The following ROBO1 variants were observed in gnomAD, a reference collection of about 807,000 sequenced individuals.
ROBO1 encodes the protein roundabout homolog 1.
A neutral mutation model predicts 195.9 loss-of-function variants in ROBO1; 149 were observed. That is an observed-to-expected ratio of 0.76 (90% CI 0.67 to 0.87). The LOEUF is 0.87. ROBO1 is among the 40% of genes least tolerant of loss of function. The probability of loss-of-function intolerance (pLI) is 0.00; values close to 1 mark genes in which losing one functional copy is unlikely to be tolerated. For synonymous variants in ROBO1, 816 were observed against 733.2 expected, an observed-to-expected ratio of 1.11 and a Z score of -1.82; for missense variants, 1,933 against 2,068.3, an observed-to-expected ratio of 0.93 and a Z score of 1.27.
At chr3:78,689,047 A>G (rs1323600030) in intron 8 of ROBO1, among the ~76,000 whole-genome samples, 1 of 152,194 alleles carries the variant, frequency 6.6e-6, no homozygotes, top group African/African-American at 2.4e-5. Context: ...ATTGGACCCT[A>G]CACATTGTAA....
Position 78,676,545 on chromosome 3 carries a change from C to T in ROBO1, c.1343-6244G>A, listed in dbSNP as rs374933218. The stretch of plus-strand genomic sequence containing the variant: ...TGAAGAATGCAGAAGCCTCAGGAGC[C>T]GATGCGATCAACTGGAAGAAAGGGT... On this transcript the variant is annotated intron_variant, in intron 10 of 30. Transcript: ENST00000464233. Among the ~76,000 whole-genome samples the T allele has an allele frequency of 2.1e-4, 32 of 152,030 alleles. 1 individual carries two copies. In the East Asian group the frequency reaches 5.6e-3, roughly 27 times the overall value.
At position 79,386,180 on chromosome 3, in the gene ROBO1, T is replaced by C. The variant is rs1348497180; in HGVS notation, c.88+203644A>G. Among the ~76,000 whole-genome samples the C allele has an allele frequency of 3.9e-5, 6 of 152,128 alleles. 1 individual carries two copies. The East Asian group carries it at 1.2e-3, about 29-fold the overall frequency. ...AATTAGAAACAGACATATCAGAATA[T>C]GTGATTTAAACTAAAAAAACAAAAA... On this transcript the variant is annotated intron_variant, in intron 2 of 30. Transcript: ENST00000464233.
rs532523098 is a variant in ROBO1 at position 78,836,698 on chromosome 3, C to A, written c.500-89798G>T. The stretch of plus-strand genomic sequence containing the variant: ...TAATTTGTATAAGGTGGTCAACTGA[C>A]CTGTATGATAATAAAGAAAAACATC... On this transcript the variant is annotated intron_variant, in intron 4 of 30. Transcript: ENST00000464233. 2.6e-5 allele frequency among the ~76,000 whole-genome samples: 4 copies of A among 152,086 alleles called. No individual in the cohort carries two copies. The South Asian group carries it at 8.3e-4, about 32-fold the overall frequency.
At chr3:78,671,683 T>C (rs1357764765) in intron 10 of ROBO1, among the ~76,000 whole-genome samples, 1 of 152,096 alleles carries the variant, frequency 6.6e-6, no homozygotes, top group African/African-American at 2.4e-5. Context: ...AATTCTCTTC[T>C]TTGTCTTGGT....
intron 3 of ROBO1, among the ~76,000 whole-genome samples, chr3:79,062,872 A>G (rs1210453955): frequency 1.3e-5 from 2 of 152,068 alleles, no homozygotes; most frequent in South Asian, 2.1e-4. Flanking sequence ...TAGGAGAAAT[A>G]CCTAATGTAA....
intron 1 of ROBO1, among the ~76,000 whole-genome samples, chr3:79,699,289 T>C (rs1947540986): frequency 1.3e-5 from 2 of 151,426 alleles, no homozygotes; most frequent in South Asian, 4.1e-4. Flanking sequence ...TGAGATTCCA[T>C]GATATGTTAC....
chr3:79,670,979 T>G (rs1946615611), intron 1 of ROBO1, among the ~76,000 whole-genome samples: 1 of 151,874 alleles, frequency 6.6e-6, no homozygotes, highest in Admixed American at 6.6e-5. Flanking sequence ...TCACCCAGGT[T>G]GTTTAATTAG....
chr3:79,254,248 GAT>G (rs1378745663), intron 2 of ROBO1, among the ~76,000 whole-genome samples: 1 of 151,930 alleles, frequency 6.6e-6, no homozygotes, highest in African/African-American at 2.4e-5. Flanking sequence ...AATTTTTATC[GAT>G]ATATATGCAT....
At chr3:78,977,527 G>A (rs1001753843) in intron 3 of ROBO1, among the ~76,000 whole-genome samples, 4 of 151,428 alleles carry the variant, frequency 2.6e-5, no homozygotes, top group African/African-American at 7.3e-5. Flanking sequence ...AACAGGAACA[G>A]AAATTTTTAC....
At chr3:78,691,319 C>A (rs959841438) in intron 8 of ROBO1, among the ~76,000 whole-genome samples, 5 of 151,512 alleles carry the variant, frequency 3.3e-5, no homozygotes, top group Non-Finnish European at 7.4e-5. Context: ...TTGCTGTAAT[C>A]AAAAATACAT....
chr3:78,618,478 T>C (rs1471045887), intron 26 of ROBO1, among the ~76,000 whole-genome samples: 1 of 152,234 alleles, frequency 6.6e-6, no homozygotes, highest in Non-Finnish European at 1.5e-5. Flanking sequence ...TCTTTCCCTT[T>C]TTTAAATCAC....
At chr3:79,641,890 G>T (rs1037092536) in intron 1 of ROBO1, among the ~76,000 whole-genome samples, 10 of 152,040 alleles carry the variant, frequency 6.6e-5, no homozygotes, top group Non-Finnish European at 1.5e-5. Context: ...ATGAGGCCTG[G>T]TACCTGTAGT....
At chr3:79,755,655 A>C (rs1450283372) in intron 1 of ROBO1, among the ~76,000 whole-genome samples, 1 of 144,116 alleles carries the variant, frequency 6.9e-6, no homozygotes, top group African/African-American at 2.5e-5. Context: ...GTGAATCATT[A>C]TAATAAGAAG....
At chr3:79,173,338 G>C (rs2081200241) in intron 2 of ROBO1, among the ~76,000 whole-genome samples, 1 of 152,146 alleles carries the variant, frequency 6.6e-6, no homozygotes, top group African/African-American at 2.4e-5. Context: ...AGGTGTGGAG[G>C]GAGAGGCGCG....
intron 1 of ROBO1, among the ~76,000 whole-genome samples, chr3:79,691,325 A>ATTTCTT (rs1947291607): frequency 6.6e-6 from 1 of 151,872 alleles, no homozygotes; most frequent in Non-Finnish European, 1.5e-5. Context: ...AAAGAAGAAA[A>ATTTCTT]AGCAAGAAGA....
At chr3:78,694,136 A>C (rs919858047) in intron 8 of ROBO1, among the ~76,000 whole-genome samples, 2 of 152,202 alleles carry the variant, frequency 1.3e-5, no homozygotes, top group South Asian at 4.1e-4. Flanking sequence ...TTCTGTTTTC[A>C]ATGTTGAAAC....
intron 4 of ROBO1, chr3:78,938,070 TC>T: frequency 6.4e-6 from 1 of 155,222 alleles, no homozygotes; most frequent in Non-Finnish European, 1.4e-5. Flanking sequence ...CCACTACTGA[TC>T]AGCATGGGAG....
chr3:78,781,657 C>A (rs1461537453), intron 4 of ROBO1, among the ~76,000 whole-genome samples: 1 of 151,986 alleles, frequency 6.6e-6, no homozygotes. Context: ...CTGGTGATTC[C>A]AATATACAGA....
chr3:79,292,669 G>A (rs757082633), intron 2 of ROBO1, among the ~76,000 whole-genome samples: 11 of 152,048 alleles, frequency 7.2e-5, no homozygotes, highest in Non-Finnish European at 1.3e-4. Flanking sequence ...TTTACATTAC[G>A]GATTATGTTT....
Sources: gnomAD v4.1 joint callset for allele counts (sites outside exome capture counted in the v4.1 genomes callset) on GRCh38, gnomAD v4.1.1 for gene constraint, MANE v1.5 for transcripts, NCBI Gene and HGNC (gene_info 2026-07-23, HGNC 2026-07-21) for gene names.